The following RPS6KC1 variants were observed in gnomAD, a reference collection of about 807,000 sequenced individuals.
The protein encoded by RPS6KC1 is ribosomal protein S6 kinase C1.
RPS6KC1 carries 54 observed loss-of-function variants against 103.8 expected under a neutral mutation model. That is an observed-to-expected ratio of 0.52 (90% CI 0.42 to 0.65). The LOEUF (loss-of-function observed/expected upper bound fraction) is 0.65, where lower values mean the gene tolerates loss of function less well. Ranked by LOEUF, RPS6KC1 falls within the 30% of genes least tolerant of loss-of-function variation. The pLI is 0.00. For missense variants in RPS6KC1, 1,151 were observed against 1,253.8 expected (o/e 0.92, Z 1.24); for synonymous variants, 439 against 438.7 (o/e 1.00, Z -0.01).
the RPS6KC1 span, among the ~76,000 whole-genome samples, chr1:213,685,629 CA>C: frequency 0.023 from 2,157 of 95,640 alleles, 33 homozygotes; most frequent in African/African-American, 0.062. Flanking sequence ...GACTCCATTT[CA>C]AAAAAAAAAA....
chr1:213,418,597 T>TA, the RPS6KC1 span, among the ~76,000 whole-genome samples: 21 of 152,138 alleles, frequency 1.4e-4, no homozygotes, highest in Non-Finnish European at 2.1e-4. Flanking sequence ...GGAACAGTGT[T>TA]AAAAAAGCTT....
At chr1:213,180,813 A>G (rs1414207013) in intron 8 of RPS6KC1, among the ~76,000 whole-genome samples, 7 of 152,034 alleles carry the variant, frequency 4.6e-5, no homozygotes, top group African/African-American at 1.7e-4. Flanking sequence ...AAGATTGTTT[A>G]TATATGGTAA....
At chr1:213,130,759 A>G (rs975985180) in intron 6 of RPS6KC1, among the ~76,000 whole-genome samples, 1 of 152,138 alleles carries the variant, frequency 6.6e-6, no homozygotes, top group African/African-American at 2.4e-5. Context: ...GGAGGGTCCT[A>G]ACTGCTTCTT....
At chr1:213,358,284 G>A in the RPS6KC1 span, among the ~76,000 whole-genome samples, 3 of 152,164 alleles carry the variant, frequency 2.0e-5, no homozygotes, top group Non-Finnish European at 4.4e-5. Context: ...TGGTTGGTAA[G>A]CTATTAATTA....
the RPS6KC1 span, among the ~76,000 whole-genome samples, chr1:213,804,159 T>C: frequency 2.3e-5 from 1 of 42,828 alleles, no homozygotes; most frequent in Non-Finnish European, 4.4e-5. Context: ...AAAAAAAAAA[T>C]CAGTGGCTAA....
chr1:213,133,273 T>A (rs2085861347), intron 6 of RPS6KC1, among the ~76,000 whole-genome samples: 1 of 152,168 alleles, frequency 6.6e-6, no homozygotes, highest in Admixed American at 6.5e-5. Context: ...TTACTGAAAG[T>A]GGCGGATATG....
the RPS6KC1 span, among the ~76,000 whole-genome samples, chr1:213,308,563 A>G: frequency 3.5e-4 from 53 of 152,358 alleles, no homozygotes; most frequent in African/African-American, 1.1e-3. Context: ...ACCAATGTCT[A>G]TCTTCCAAAA....
At chr1:213,595,896 G>T in the RPS6KC1 span, among the ~76,000 whole-genome samples, 1 of 152,150 alleles carries the variant, frequency 6.6e-6, no homozygotes, top group Non-Finnish European at 1.5e-5. Context: ...GATCCCTGAA[G>T]AATCACTAAA....
chr1:213,137,958 A>C (rs1187849409), intron 6 of RPS6KC1, among the ~76,000 whole-genome samples: 1 of 150,980 alleles, frequency 6.6e-6, no homozygotes, highest in Non-Finnish European at 1.5e-5. Flanking sequence ...AGATAATCCA[A>C]AGGTCATGGT....
chr1:213,055,151 A>G (rs1358352661), intron 1 of RPS6KC1, among the ~76,000 whole-genome samples: 2 of 152,228 alleles, frequency 1.3e-5, no homozygotes, highest in African/African-American at 4.8e-5. Context: ...TGACAAATGT[A>G]TACAGTTGTG....
At chr1:213,083,764 T>C (rs2080124253) in intron 3 of RPS6KC1, among the ~76,000 whole-genome samples, 4 of 152,094 alleles carry the variant, frequency 2.6e-5, no homozygotes, top group Non-Finnish European at 5.9e-5. Context: ...TGTCTCCTGG[T>C]GTTTATGTTC....
At chr1:213,653,478 G>T in the RPS6KC1 span, among the ~76,000 whole-genome samples, 1 of 151,800 alleles carries the variant, frequency 6.6e-6, no homozygotes, top group African/African-American at 2.4e-5. Context: ...AAAATTACTA[G>T]CATTCTTAAT....
chr1:213,062,578 G>A (rs1188822361), intron 1 of RPS6KC1, among the ~76,000 whole-genome samples: 1 of 150,174 alleles, frequency 6.7e-6, no homozygotes, highest in East Asian at 1.9e-4. Context: ...TTTTTTTTGG[G>A]GCGGAGTCTC....
chr1:213,286,910 C>T, the RPS6KC1 span, among the ~76,000 whole-genome samples: 1 of 152,114 alleles, frequency 6.6e-6, no homozygotes, highest in African/African-American at 2.4e-5. Flanking sequence ...TGTTGACTGC[C>T]ACCATGAGTA....
chr1:213,762,142 G>A, the RPS6KC1 span, among the ~76,000 whole-genome samples: 2 of 152,140 alleles, frequency 1.3e-5, no homozygotes, highest in Non-Finnish European at 2.9e-5. Flanking sequence ...AAAGTCAGAG[G>A]TGCGCTGTCT....
the RPS6KC1 span, among the ~76,000 whole-genome samples, chr1:213,764,298 C>G: frequency 6.6e-5 from 10 of 152,242 alleles, no homozygotes; most frequent in South Asian, 1.2e-3. Context: ...AGAACAGTGG[C>G]CCAGGGCAGT....
the RPS6KC1 span, chr1:213,832,634 G>A: frequency 6.6e-6 from 1 of 152,192 alleles, no homozygotes; most frequent in African/African-American, 2.4e-5. Context: ...TGAGTCCAAT[G>A]AGTAAAGAGA....
chr1:213,083,200 A>G (rs1273349257), intron 3 of RPS6KC1, among the ~76,000 whole-genome samples: 2 of 152,224 alleles, frequency 1.3e-5, no homozygotes, highest in Non-Finnish European at 2.9e-5. Flanking sequence ...TACTGGAAGG[A>G]AGGCTAAAAA....
At chr1:213,760,648 T>C in the RPS6KC1 span, among the ~76,000 whole-genome samples, 10 of 152,208 alleles carry the variant, frequency 6.6e-5, no homozygotes, top group Non-Finnish European at 1.2e-4. Flanking sequence ...ACAACATTAG[T>C]AATCAGTTTT....
Sources: gnomAD v4.1 joint callset for allele counts (sites outside exome capture counted in the v4.1 genomes callset) on GRCh38, gnomAD v4.1.1 for gene constraint, MANE v1.5 for transcripts, NCBI Gene and HGNC (gene_info 2026-07-23, HGNC 2026-07-21) for gene names.